The following CLPTM1L variants were observed in gnomAD, a reference collection of about 807,000 sequenced individuals.
The protein encoded by CLPTM1L is CLPTM1 like.
Under a neutral mutation model 70.9 loss-of-function variants are expected in CLPTM1L, and 38 were observed. The ratio of observed to expected loss-of-function variants is 0.54; its 90% CI spans 0.41 to 0.70. CLPTM1L has a LOEUF of 0.70. CLPTM1L is among the 30% of genes least tolerant of loss of function. CLPTM1L has a pLI of 0.00. For synonymous variants in CLPTM1L, 339 were observed against 299.9 expected (o/e 1.13, Z -1.35); for missense variants, 652 against 705.9 (o/e 0.92, Z 0.87).
chr5:1,342,039 T>TGTGC lies in CLPTM1L; in HGVS notation c.264-180_264-179insGCAC, dbSNP rs3222913. 0.1 allele frequency among the ~76,000 whole-genome samples: 14,997 copies of TGTGC among 148,998 alleles called. 914 individuals carry two copies. The highest frequency in any genetic ancestry group is 0.13 in the African/African-American group (5,128 of 39,760). ...GTGTGTGTGTGTGTGTGTGTGTGTG[T>TGTGC]GCACGCGCACGCGTGCGCGTCCTGA... On this transcript the variant is annotated intron_variant, in intron 2 of 16. Transcript: ENST00000320895. The surrounding 1 kb of genome is among the most constrained non-coding windows in gnomAD (Gnocchi z 4.3).
chr5:1,319,582 G>A (rs1752034796), intron 16 of CLPTM1L, among the ~76,000 whole-genome samples: 2 of 152,236 alleles, frequency 1.3e-5, no homozygotes, highest in African/African-American at 4.8e-5. Flanking sequence ...CCCGGACCTA[G>A]GCAGGACCCG....
At chr5:1,321,579 C>A in intron 15 of CLPTM1L, 56 bp downstream of exon 15, 2 of 1,519,940 alleles carry the variant, frequency 1.3e-6, no homozygotes, top group Non-Finnish European at 1.8e-6. Flanking sequence ...CTGGAAGACG[C>A]CCTTGCTCAC....
chr5:1,323,772 T>C lies in CLPTM1L; in HGVS notation c.1280+15A>G, dbSNP rs369488069. ...GGGGAAAGACGCAGCAGGGGAAGCG[T>C]GTGCGGCCTCCTACCTCTTATATTT... On this transcript the variant is annotated intron_variant, in intron 12 of 16. Transcript: ENST00000320895. 6 of 1,602,752 alleles carry C rather than the reference T, an allele frequency of 3.7e-6. No individual in the cohort carries two copies. Among genetic ancestry groups the C allele is most frequent in the Admixed American group, 1.7e-5 (1 of 59,992 alleles).
intron 2 of CLPTM1L, 87 bp downstream of exon 2, chr5:1,344,264 C>G: frequency 1.1e-6 from 1 of 894,034 alleles, no homozygotes; most frequent in Non-Finnish European, 1.8e-6. Flanking sequence ...CTAAAATAAA[C>G]ATGTTATGTA....
rs146916983 is a variant in CLPTM1L at position 1,337,739 on chromosome 5, T to C, written c.678+165A>G. Reference sequence around the variant, plus strand: ...ACCCAGCACACCACCAGGGCCCCCCTGTCACAACCCTCGCACACTCGAAGG... The same window carrying C: ...ACCCAGCACACCACCAGGGCCCCCCCGTCACAACCCTCGCACACTCGAAGG... On this transcript the variant is annotated intron_variant, in intron 5 of 16. Transcript: ENST00000320895. Among the ~76,000 whole-genome samples the C allele has an allele frequency of 6.9e-3, 1,051 of 151,938 alleles. 13 individuals carry two copies. The highest frequency in any genetic ancestry group is 0.024 in the African/African-American group (1,011 of 41,334).
intron 15 of CLPTM1L, 58 bp from the exon 16 acceptor site, chr5:1,320,789 T>A: frequency 9.6e-7 from 1 of 1,045,216 alleles, no homozygotes; most frequent in Non-Finnish European, 1.4e-6. Context: ...AATCCTACTG[T>A]TTTTGGTAAC....
At chr5:1,333,660 C>CAGATGA (rs1753327141) in intron 7 of CLPTM1L, among the ~76,000 whole-genome samples, 4 of 86,766 alleles carry the variant, frequency 4.6e-5, no homozygotes, top group South Asian at 2.9e-4. Flanking sequence ...GTATACACAC[C>CAGATGA]GGCTGAGGAT....
rs1278289271 is a variant in CLPTM1L, at chr5:1,324,786, TC to T, written c.1173del (p.Thr393ProfsTer9). ...FQFGTYSESE[R>X]KTEEYDTQAM... Reference sequence around the variant, plus strand: ...ACCTGAGTATCGTACTCCTCGGTTTTCCTCTCAGATTCGCTGTAAGTGCCAA... The same window carrying T: ...ACCTGAGTATCGTACTCCTCGGTTTTCTCTCAGATTCGCTGTAAGTGCCAA... On this transcript the variant is annotated frameshift_variant, in exon 11 of 17. Coordinates refer to ENST00000320895, the MANE Select transcript of CLPTM1L (RefSeq NM_030782.5). LOFTEE classifies it high-confidence loss of function. 2.5e-6 allele frequency: 4 copies of T among 1,614,058 alleles called. No homozygotes were observed. Among genetic ancestry groups the T allele is most frequent in the Non-Finnish European group, 3.4e-6 (4 of 1,180,024 alleles).
In CLPTM1L at chr5:1,322,859, G is replaced by A; in HGVS notation, c.1315+18C>T. The A allele has an allele frequency of 1.2e-6, 2 of 1,613,056 alleles. No individual in the cohort carries two copies. The highest frequency in any genetic ancestry group is 1.7e-6 in the Non-Finnish European group (2 of 1,179,098). On this transcript the variant is annotated intron_variant, in intron 13 of 16. Transcript: ENST00000320895. ...GCTGGAAACACTAGTACTGAAGCAG[G>A]GAAGCACATGGACTCACCGTTGACG...
intron 7 of CLPTM1L, among the ~76,000 whole-genome samples, chr5:1,333,696 G>GGATGAGGA (rs1753338258): frequency 1.7e-5 from 1 of 59,700 alleles, no homozygotes; most frequent in African/African-American, 6.1e-5. Context: ...TAGACACACC[G>GGATGAGGA]CAAGAGGATA....
chr5:1,338,920 G>C lies in CLPTM1L; in HGVS notation c.539C>G (p.Ala180Gly). The C allele has an allele frequency of 6.2e-7, 1 of 1,613,336 alleles. No individual in the cohort carries two copies. The highest frequency in any genetic ancestry group is 1.1e-5 in the South Asian group (1 of 91,090). ...WRPRLALNVM[A>G]DNFVFDGSSL... is the part of the protein sequence containing the mutation. ...GGACCCGTCAAAGACAAAGTTGTCC[G>C]CCATCACGTTCAGCGCCAGCCGCGG... The change falls in exon 4 of 17, where the codon GCG (alanine) becomes GGG (glycine). Residue 180 changes from alanine (A) to glycine (G), a missense_variant. Transcript: ENST00000320895.
intron 3 of CLPTM1L, among the ~76,000 whole-genome samples, chr5:1,340,038 C>T (rs994156438): frequency 3.9e-5 from 6 of 152,248 alleles, no homozygotes; most frequent in African/African-American, 1.4e-4. Context: ...GAGGGCACAG[C>T]GGCCCCACAG....
intron 16 of CLPTM1L, chr5:1,320,159 G>A (rs1752066687): frequency 6.5e-6 from 1 of 153,618 alleles, no homozygotes; most frequent in Non-Finnish European, 1.4e-5. Flanking sequence ...GGCCCTGGTG[G>A]CTGGTTTAAG....
intron 4 of CLPTM1L, chr5:1,338,399 C>T (rs543734737): frequency 1.7e-4 from 44 of 253,742 alleles, no homozygotes; most frequent in African/African-American, 9.0e-4. Context: ...GGAGCTGTGG[C>T]GCAGGAGTTG....
intron 7 of CLPTM1L, among the ~76,000 whole-genome samples, chr5:1,333,660 C>T (rs1001402830): frequency 0.041 from 3,436 of 84,034 alleles, 18 homozygotes; most frequent in Admixed American, 0.062. Flanking sequence ...GTATACACAC[C>T]GGCTGAGGAT....
Position 1,337,919 on chromosome 5 carries a change from G to T in CLPTM1L, c.663C>A (p.Arg221=), listed in dbSNP as rs369069044. The change falls in exon 5 of 17, where the codon CGC becomes CGA. Residue 221 remains arginine (R), a synonymous_variant. Transcript: ENST00000320895. ...PILFIDQLSN[R]VKDLMVINRS... is the part of the protein sequence containing the mutation. ...TGTCACTCACCATCAGGTCCTTCAC[G>T]CGGTTGCTGAGCTGGTCGATGAACA... 8 of 1,602,804 alleles carry T rather than the reference G, an allele frequency of 5.0e-6. No individual in the cohort carries two copies. The African/African-American group carries it at 9.3e-5, about 19-fold the overall frequency.
At chr5:1,343,694 C>G (rs993807225) in intron 2 of CLPTM1L, among the ~76,000 whole-genome samples, 1 of 152,196 alleles carries the variant, frequency 6.6e-6, no homozygotes, top group Non-Finnish European at 1.5e-5. Flanking sequence ...CCAGCTACCC[C>G]CAGGGACTGG....
rs577858144 is a variant in CLPTM1L, at chr5:1,322,873, T to C, written c.1315+4A>G. 1 of 1,613,880 alleles carries C rather than the reference T, an allele frequency of 6.2e-7. No homozygotes were observed. Among genetic ancestry groups the C allele is most frequent in the Admixed American group, 1.7e-5 (1 of 60,022 alleles). ...TACTGAAGCAGGGAAGCACATGGAC[T>C]CACCGTTGACGAAGCTGTTGATTAA... On this transcript the variant is annotated splice_donor_region_variant and intron_variant, in intron 13 of 16. Coordinates refer to ENST00000320895, the MANE Select transcript of CLPTM1L (RefSeq NM_030782.5).
rs367942927 is a variant in CLPTM1L at position 1,330,271 on chromosome 5, G to T, written c.1080+9C>A. 1 of 1,607,346 alleles carries T rather than the reference G, an allele frequency of 6.2e-7. No homozygotes were observed. The highest frequency in any genetic ancestry group is 8.5e-7 in the Non-Finnish European group (1 of 1,174,986). ...CCTCAGACAGTTCAGGTCACTGCCCGGAACTCACCTCAATGGCGGCTCCAA... is the reference window on the plus strand; with the variant it reads ...CCTCAGACAGTTCAGGTCACTGCCCTGAACTCACCTCAATGGCGGCTCCAA... On this transcript the variant is annotated intron_variant, in intron 9 of 16. Coordinates refer to ENST00000320895, the MANE Select transcript of CLPTM1L (RefSeq NM_030782.5).
Sources: gnomAD v4.1 joint callset for allele counts (sites outside exome capture counted in the v4.1 genomes callset) on GRCh38, gnomAD v4.1.1 for gene constraint, Gnocchi (gnomAD v3.1) non-coding constraint, MANE v1.5 for transcripts, NCBI Gene and HGNC (gene_info 2026-07-23, HGNC 2026-07-21) for gene names.